EPHA3: variants seen among roughly 807,000 people sequenced by gnomAD.
EPHA3 encodes the protein ephrin type-A receptor 3.
EPHA3 carries 42 observed loss-of-function variants against 107.1 expected under a neutral mutation model. The observed-to-expected ratio is 0.39, with a 90% CI of 0.31 to 0.51. EPHA3 has a LOEUF of 0.51. Among genes scored for constraint, EPHA3 ranks in the 20% least tolerant of loss-of-function variants. The pLI is 0.78. For missense variants in EPHA3, 1,183 were observed against 1,211.2 expected, an observed-to-expected ratio of 0.98 and a Z score of 0.35; for synonymous variants, 461 against 424.8, an observed-to-expected ratio of 1.09 and a Z score of -1.05.
At chr3:89,134,706 AG>A (rs1208684824) in intron 2 of EPHA3, among the ~76,000 whole-genome samples, 2 of 152,084 alleles carry the variant, frequency 1.3e-5, no homozygotes, top group Non-Finnish European at 2.9e-5. Flanking sequence ...CTCATCTTCA[AG>A]GCCCTTGTCT....
chr3:89,314,304 G>T (rs534892503), intron 3 of EPHA3, among the ~76,000 whole-genome samples: 49 of 151,692 alleles, frequency 3.2e-4, no homozygotes, highest in Non-Finnish European at 6.8e-4. Flanking sequence ...AGTATTTTAG[G>T]TTTTGTTTCT....
chr3:89,314,155 A>G (rs1011622310), intron 3 of EPHA3, among the ~76,000 whole-genome samples: 1 of 151,926 alleles, frequency 6.6e-6, no homozygotes, highest in African/African-American at 2.4e-5. Flanking sequence ...GGTCAATTTC[A>G]CTATCTCAAA....
chr3:89,416,055 G>C (rs148645435), intron 10 of EPHA3, among the ~76,000 whole-genome samples: 4 of 151,410 alleles, frequency 2.6e-5, no homozygotes, highest in Admixed American at 1.3e-4. Flanking sequence ...TTTTTATTAT[G>C]CTTACTTTAT....
intron 3 of EPHA3, among the ~76,000 whole-genome samples, chr3:89,288,283 T>C (rs1203920336): frequency 1.3e-5 from 2 of 152,194 alleles, no homozygotes; most frequent in Non-Finnish European, 2.9e-5. Context: ...TCTTTCTAAA[T>C]GGATGTGTCA....
intron 3 of EPHA3, among the ~76,000 whole-genome samples, chr3:89,277,041 T>C (rs1174952857): frequency 6.6e-6 from 1 of 152,080 alleles, no homozygotes; most frequent in African/African-American, 2.4e-5. Context: ...ACCTCCCCAA[T>C]GAAAAGCTAA....
At chr3:89,189,683 C>T (rs543986026) in intron 2 of EPHA3, among the ~76,000 whole-genome samples, 1 of 152,350 alleles carries the variant, frequency 6.6e-6, no homozygotes, top group Admixed American at 6.5e-5. Flanking sequence ...CTGAACGTTA[C>T]TTTGAGTTCT....
chr3:89,365,641 T>C (rs187802084), intron 5 of EPHA3, among the ~76,000 whole-genome samples: 1 of 150,648 alleles, frequency 6.6e-6, no homozygotes, highest in Admixed American at 6.7e-5. Flanking sequence ...CACCAAGAAA[T>C]TGTGTTCATC....
chr3:89,130,052 G>C (rs1356366674), intron 2 of EPHA3, among the ~76,000 whole-genome samples: 1 of 152,100 alleles, frequency 6.6e-6, no homozygotes, highest in Non-Finnish European at 1.5e-5. Flanking sequence ...AACAGGTTGA[G>C]CGAGTAAGGG....
chr3:89,374,446 A>T (rs78364959), intron 5 of EPHA3, among the ~76,000 whole-genome samples: 2,321 of 152,012 alleles, frequency 0.015, 44 homozygotes, highest in African/African-American at 0.053. Flanking sequence ...CAGTCCTCCA[A>T]CATTGGAAAA....
intron 3 of EPHA3, among the ~76,000 whole-genome samples, chr3:89,269,953 G>T (rs531368283): frequency 4.6e-5 from 7 of 151,920 alleles, no homozygotes; most frequent in African/African-American, 1.7e-4. Flanking sequence ...TTTACAGGGT[G>T]TGTGGCTTCA....
chr3:89,225,244 T>C (rs1704476612), intron 3 of EPHA3, among the ~76,000 whole-genome samples: 1 of 152,134 alleles, frequency 6.6e-6, no homozygotes, highest in African/African-American at 2.4e-5. Flanking sequence ...AGAAAAAAAA[T>C]GCCTTTATAA....
At chr3:89,331,876 A>T (rs1707296839) in intron 3 of EPHA3, among the ~76,000 whole-genome samples, 1 of 152,122 alleles carries the variant, frequency 6.6e-6, no homozygotes, top group South Asian at 2.1e-4. Context: ...GAGTTTTCCT[A>T]TACATTCCAA....
chr3:89,350,055 T>C (rs1270489257), intron 5 of EPHA3, among the ~76,000 whole-genome samples: 5 of 150,942 alleles, frequency 3.3e-5, no homozygotes, highest in Middle Eastern at 3.4e-3. Context: ...TAACATTTTT[T>C]CCTTCATTTC....
intron 5 of EPHA3, among the ~76,000 whole-genome samples, chr3:89,345,984 A>T (rs1233511946): frequency 6.8e-6 from 1 of 146,960 alleles, no homozygotes; most frequent in Non-Finnish European, 1.5e-5. Flanking sequence ...TCCATGGTGT[A>T]TATGTGCCAC....
intron 5 of EPHA3, among the ~76,000 whole-genome samples, chr3:89,375,020 C>T (rs573410884): frequency 6.6e-6 from 1 of 151,800 alleles, no homozygotes; most frequent in African/African-American, 2.4e-5. Flanking sequence ...TTTCACAATT[C>T]AAGAATAAGT....
rs1559609186 is a variant in EPHA3, at chr3:89,226,268, A to G, written c.814+15748A>G. On this transcript the variant is annotated intron_variant, in intron 3 of 16. Coordinates refer to ENST00000336596, the MANE Select transcript of EPHA3 (RefSeq NM_005233.6). The stretch of plus-strand genomic sequence containing the variant: ...AAATTGGAGCTAACAAGAGATAACA[A>G]TAGCATCTCCTTAGTAGTGTCATTG... Among the ~76,000 whole-genome samples the G allele has an allele frequency of 2.0e-5, 3 of 152,220 alleles. No homozygotes were observed. The East Asian group carries it at 5.8e-4, about 29-fold the overall frequency.
At chr3:89,312,105 C>T (rs1706777937) in intron 3 of EPHA3, among the ~76,000 whole-genome samples, 1 of 152,022 alleles carries the variant, frequency 6.6e-6, no homozygotes, top group African/African-American at 2.4e-5. Context: ...ATGGTCAGCA[C>T]ATTACTCCCT....
At position 89,455,413 on chromosome 3, in the gene EPHA3, A is replaced by G. The variant is rs190267123; in HGVS notation, c.2690+5043A>G. 2.6e-5 allele frequency among the ~76,000 whole-genome samples: 4 copies of G among 152,354 alleles called. No homozygotes were observed. In the East Asian group the frequency reaches 7.7e-4, roughly 29 times the overall value. On this transcript the variant is annotated intron_variant, in intron 15 of 16. Coordinates refer to ENST00000336596, the MANE Select transcript of EPHA3 (RefSeq NM_005233.6). Reference sequence around the variant, plus strand: ...GTTCTAGGAAGTGGCAGAGAATAATATGACTGAAGGGAGTCTGTCATGAAC... The same window carrying G: ...GTTCTAGGAAGTGGCAGAGAATAATGTGACTGAAGGGAGTCTGTCATGAAC...
intron 2 of EPHA3, among the ~76,000 whole-genome samples, chr3:89,175,231 C>T (rs1164864575): frequency 6.6e-6 from 1 of 151,974 alleles, no homozygotes; most frequent in Non-Finnish European, 1.5e-5. Context: ...GGTGCCAACA[C>T]TTGATAATTT....
Sources: gnomAD v4.1 joint callset for allele counts (sites outside exome capture counted in the v4.1 genomes callset) on GRCh38, gnomAD v4.1.1 for gene constraint, MANE v1.5 for transcripts, NCBI Gene and HGNC (gene_info 2026-07-23, HGNC 2026-07-21) for gene names.